Variants in ABCC8 observed in about 807,000 individuals in gnomAD.
The protein encoded by ABCC8 is ATP-binding cassette sub-family C member 8.
A neutral mutation model predicts 188.0 loss-of-function variants in ABCC8; 137 were observed. The ratio of observed to expected loss-of-function variants is 0.73; its 90% CI spans 0.63 to 0.84. ABCC8 has a LOEUF of 0.84. Ranked by LOEUF, ABCC8 falls within the 40% of genes least tolerant of loss-of-function variation. The probability of loss-of-function intolerance (pLI) is 0.00; values close to 1 mark genes in which losing one functional copy is unlikely to be tolerated. For missense variants in ABCC8, 1,750 were observed against 2,072.7 expected (o/e 0.84, Z 3.02); for synonymous variants, 797 against 846.5 (o/e 0.94, Z 1.01).
rs774188769 is a variant in ABCC8 at position 17,430,951 on chromosome 11, C to T, written c.1680G>A (p.Val560=). Residue 560 remains valine (V), a synonymous_variant, in exon 12 of 39, where the codon GTG becomes GTA. Transcript: ENST00000389817. ...IPIAAVLITF[V]GHVSFFKEAD... ...CCTCTTTGAAGAAGCTGACGTGGCCCACGAAAGTCTGTGGACAGAGGCACA... is the reference window on the plus strand; with the variant it reads ...CCTCTTTGAAGAAGCTGACGTGGCCTACGAAAGTCTGTGGACAGAGGCACA... 1 of 1,614,136 alleles carries T rather than the reference C, an allele frequency of 6.2e-7. No homozygotes were observed. Among genetic ancestry groups the T allele is most frequent in the Non-Finnish European group, 8.5e-7 (1 of 1,179,990 alleles).
intron 33 of ABCC8, chr11:17,396,638 C>T: frequency 2.1e-6 from 1 of 485,258 alleles, no homozygotes; most frequent in Non-Finnish European, 3.8e-6. Flanking sequence ...GAGAGGGAGG[C>T]CCTGACAAAG....
chr11:17,397,141 C>G (rs773624190), intron 32 of ABCC8, 52 bp downstream of exon 32: 1 of 1,613,250 alleles, frequency 6.2e-7, no homozygotes, highest in African/African-American at 1.3e-5. Flanking sequence ...GCCCCCAACC[C>G]AGACACACTC....
intron 4 of ABCC8, 56 bp downstream of exon 4, chr11:17,463,382 G>A (rs1222928279): frequency 4.9e-6 from 7 of 1,442,450 alleles, no homozygotes; most frequent in African/African-American, 1.4e-5. Context: ...CCCAGGGCAG[G>A]ACAGAGGCCA....
At chr11:17,393,674 C>T in intron 38 of ABCC8, 23 bp downstream of exon 38, 3 of 1,614,184 alleles carry the variant, frequency 1.9e-6, no homozygotes, top group Non-Finnish European at 1.7e-6. Flanking sequence ...TGTCCCTCTG[C>T]ACCCCATCAA....
At chr11:17,440,343 C>A (rs146611392) in intron 10 of ABCC8, among the ~76,000 whole-genome samples, 2 of 152,288 alleles carry the variant, frequency 1.3e-5, no homozygotes, top group Non-Finnish European at 2.9e-5. Flanking sequence ...TATACACAAG[C>A]AGGGGGTTAC....
At chr11:17,413,038 T>G in intron 20 of ABCC8, 1 of 638,122 alleles carries the variant, frequency 1.6e-6, no homozygotes, top group Non-Finnish European at 2.6e-6. Context: ...AGGAGGACAG[T>G]CACAGGAGAA....
chr11:17,428,282 G>C lies in ABCC8; in HGVS notation c.2040+7C>G, dbSNP rs751042003. On this transcript the variant is annotated splice_region_variant and intron_variant, in intron 14 of 38. Coordinates refer to ENST00000389817, the MANE Select transcript of ABCC8 (RefSeq NM_000352.6). Reference sequence around the variant, plus strand: ...TGGGTGGCCAGGCATGGGGCAGCAGGACTCACCTGGACACAGCAGTTGTCA... The same window carrying C: ...TGGGTGGCCAGGCATGGGGCAGCAGCACTCACCTGGACACAGCAGTTGTCA... 6.2e-7 allele frequency: 1 copy of C among 1,614,072 alleles called. No individual in the cohort carries two copies. Among genetic ancestry groups the C allele is most frequent in the South Asian group, 1.1e-5 (1 of 91,086 alleles).
At chr11:17,468,356 A>G (rs1249798266) in intron 3 of ABCC8, among the ~76,000 whole-genome samples, 1 of 152,268 alleles carries the variant, frequency 6.6e-6, no homozygotes, top group Non-Finnish European at 1.5e-5. Context: ...TTAAGGACAT[A>G]GTGTGAACAA....
intron 10 of ABCC8, among the ~76,000 whole-genome samples, chr11:17,439,165 C>T (rs2237982): frequency 0.46 from 69,559 of 151,990 alleles, 17,244 homozygotes; most frequent in African/African-American, 0.66. Context: ...TCTATTTTTA[C>T]TCAACAGGAA....
In ABCC8 at chr11:17,414,552, C is replaced by T. The variant is rs1954971916; in HGVS notation, c.2350G>A (p.Glu784Lys). Residue 784 changes from glutamate (E) to lysine (K), a missense_variant, in exon 19 of 39, where the codon GAG (glutamate) becomes AAG (lysine). By Grantham distance (56) the Glu-to-Lys change is moderately conservative. Coordinates refer to ENST00000389817, the MANE Select transcript of ABCC8 (RefSeq NM_000352.6). ...GGACTCTCAAAGATGATGTTCTCCT[C>T]CACAGTGGCATTTAGCAGCCATGGT... is the stretch of plus-strand genomic sequence containing the variant. ...QKPWLLNATV[E>K]ENIIFESPFN... is the part of the protein sequence containing the mutation. 6.2e-7 allele frequency: 1 copy of T among 1,614,136 alleles called. No individual in the cohort carries two copies. Among genetic ancestry groups the T allele is most frequent in the Non-Finnish European group, 8.5e-7 (1 of 1,180,056 alleles).
At chr11:17,402,264 C>T (rs1314077524) in intron 29 of ABCC8, among the ~76,000 whole-genome samples, 1 of 152,160 alleles carries the variant, frequency 6.6e-6, no homozygotes, top group Non-Finnish European at 1.5e-5. Context: ...GGTTGCAGTG[C>T]AGAATGAGTG....
At chr11:17,455,453 C>T (rs977426276) in intron 6 of ABCC8, among the ~76,000 whole-genome samples, 3 of 152,094 alleles carry the variant, frequency 2.0e-5, no homozygotes, top group African/African-American at 4.8e-5. Context: ...GCTGCAAAAC[C>T]TTTGACTTCC....
chr11:17,452,047 G>A (rs1455485300), intron 7 of ABCC8, among the ~76,000 whole-genome samples: 4 of 152,226 alleles, frequency 2.6e-5, no homozygotes, highest in African/African-American at 7.2e-5. Context: ...TAGCTCCTGT[G>A]TCAGCCCTGA....
At chr11:17,470,255 G>T in intron 2 of ABCC8, 33 bp from the exon 3 acceptor site, 1 of 1,613,524 alleles carries the variant, frequency 6.2e-7, no homozygotes, top group East Asian at 2.2e-5. Flanking sequence ...ACAGGATGGG[G>T]ACATGCTAAG....
chr11:17,430,581 C>A, intron 12 of ABCC8: 1 of 566,366 alleles, frequency 1.8e-6, no homozygotes, highest in Non-Finnish European at 3.2e-6. Context: ...GTGAAAGTGA[C>A]AGTGAGTCCC....
rs750817645 is a variant in ABCC8, at chr11:17,428,654, C to T, written c.1834G>A (p.Glu612Lys). The T allele has an allele frequency of 5.6e-6, 9 of 1,613,604 alleles. No individual in the cohort carries two copies. Among genetic ancestry groups the T allele is most frequent in the Non-Finnish European group, 7.6e-6 (9 of 1,180,022 alleles). The change falls in exon 13 of 39, where the codon GAG becomes AAG. Residue 612 changes from glutamate to lysine, a missense_variant. Coordinates refer to ENST00000389817, the MANE Select transcript of ABCC8 (RefSeq NM_000352.6). ...KALVSVQKLS[E>K]FLSSAEIREE... The stretch of plus-strand genomic sequence containing the variant: ...CGGATCTCTGCACTGGACAGGAACT[C>T]GCTTAGCTTTTGCACGCTGCTCGGG...
intron 10 of ABCC8, among the ~76,000 whole-genome samples, chr11:17,441,007 A>G (rs572476271): frequency 8.5e-5 from 13 of 152,276 alleles, no homozygotes; most frequent in African/African-American, 2.6e-4. Flanking sequence ...GGATGGGTCT[A>G]TCTGGGAGAC....
Position 17,397,744 on chromosome 11 carries a change from G to C in ABCC8, c.3807C>G (p.Asn1269Lys). The change falls in exon 31 of 39, where the codon AAC (asparagine) becomes AAG (lysine). Residue 1269 changes from asparagine (N) to lysine (K), a missense_variant. Physicochemically the swap from Asn to Lys is moderately conservative, Grantham distance 94. Coordinates refer to ENST00000389817, the MANE Select transcript of ABCC8 (RefSeq NM_000352.6). Reference sequence around the variant, plus strand: ...CAGCAGAGAGCTCCCTGTGCAGGGAGTTGGAGATGGAGGTCACCGCTGCGA... The same window carrying C: ...CAGCAGAGAGCTCCCTGTGCAGGGACTTGGAGATGGAGGTCACCGCTGCGA... ...VLIAAVTSIS[N>K]SLHRELSAGL... 2 of 1,613,838 alleles carry C rather than the reference G, an allele frequency of 1.2e-6. No homozygotes were observed. The highest frequency in any genetic ancestry group is 1.7e-6 in the Non-Finnish European group (2 of 1,179,974).
intron 22 of ABCC8, 121 bp downstream of exon 22, chr11:17,410,395 G>T: frequency 8.8e-7 from 1 of 1,134,142 alleles, no homozygotes; most frequent in Non-Finnish European, 1.3e-6. Flanking sequence ...TCCAGTGCTG[G>T]TCTCTTATGC....
Sources: gnomAD v4.1 joint callset for allele counts (sites outside exome capture counted in the v4.1 genomes callset) on GRCh38, gnomAD v4.1.1 for gene constraint, MANE v1.5 for transcripts, NCBI Gene and HGNC (gene_info 2026-07-23, HGNC 2026-07-21) for gene names.